DIAPH2: variants seen among roughly 807,000 people sequenced by gnomAD.
The protein encoded by DIAPH2 is protein diaphanous homolog 2.
In DIAPH2, 35 loss-of-function variants were observed where a neutral mutation model predicts 92.7. The ratio of observed to expected loss-of-function variants is 0.38; its 90% CI spans 0.29 to 0.50. DIAPH2 has a LOEUF of 0.50. Ranked by LOEUF, DIAPH2 falls within the 20% of genes least tolerant of loss-of-function variation. DIAPH2 has a pLI of 0.94. For synonymous variants in DIAPH2, 301 were observed against 280.4 expected (o/e 1.07, Z -0.73); for missense variants, 701 against 819.5 (o/e 0.86, Z 1.77).
At chrX:96,715,242 T>G (rs1256453877) in intron 1 of DIAPH2, among the ~76,000 whole-genome samples, 1 of 111,568 alleles carries the variant, frequency 9.0e-6, no homozygotes, top group Non-Finnish European at 1.9e-5. Context: ...TGCATGCAGC[T>G]TATTTCTGAT....
chrX:96,705,423 G>C (rs976506698), intron 1 of DIAPH2, among the ~76,000 whole-genome samples: 2 of 112,071 alleles, frequency 1.8e-5, no homozygotes, highest in Non-Finnish European at 3.8e-5. Context: ...ATATCAGCAG[G>C]AAATTTGAAT....
intron 26 of DIAPH2, among the ~76,000 whole-genome samples, chrX:97,571,406 G>A (rs963436671): frequency 3.6e-5 from 4 of 111,547 alleles, no homozygotes; most frequent in African/African-American, 9.8e-5. Context: ...GGGAATATAG[G>A]GAGGATTGTC....
chrX:97,379,995 AT>A (rs938588370), intron 24 of DIAPH2, among the ~76,000 whole-genome samples: 1 of 109,711 alleles, frequency 9.1e-6, no homozygotes, highest in Non-Finnish European at 1.9e-5. Flanking sequence ...AGCATATGAC[AT>A]TTTTAGTCTG....
chrX:97,094,897 G>C (rs2066854031), intron 19 of DIAPH2, among the ~76,000 whole-genome samples: 1 of 110,232 alleles, frequency 9.1e-6, no homozygotes, highest in African/African-American at 3.3e-5. Context: ...GCATGAAACT[G>C]TCATTTCATT....
Position 96,945,595 on chromosome X carries a change from A to T in DIAPH2, c.1509+4A>T. ...AGCTGCAGAGTTTTCAAAGAAGGTA[A>T]GCTTATAAAATATTAGCCATAATCG... On this transcript the variant is annotated splice_donor_region_variant and intron_variant, in intron 14 of 26. Transcript: ENST00000324765. 8.8e-7 allele frequency: 1 copy of T among 1,133,708 alleles called. No individual in the cohort carries two copies. The highest frequency in any genetic ancestry group is 3.2e-5 in the Admixed American group (1 of 31,248). 93.4% of individuals were successfully genotyped at this position (1,133,708 alleles called of 1,213,427 possible). A position where few individuals can be genotyped will look rare whatever the true frequency, so the allele number is the denominator to read the frequency against.
At chrX:97,519,364 T>C (rs190350194) in intron 26 of DIAPH2, among the ~76,000 whole-genome samples, 2 of 112,272 alleles carry the variant, frequency 1.8e-5, no homozygotes, top group Non-Finnish European at 1.9e-5. Flanking sequence ...AAATTCACAT[T>C]TATGGGTTAT....
At chrX:97,056,954 C>T (rs975447635) in intron 17 of DIAPH2, among the ~76,000 whole-genome samples, 4 of 111,294 alleles carry the variant, frequency 3.6e-5, no homozygotes, top group African/African-American at 1.3e-4. Flanking sequence ...GGGTCTGAGC[C>T]GAAGCTTTTG....
chrX:97,264,327 G>C (rs1417171329), intron 23 of DIAPH2, among the ~76,000 whole-genome samples: 2 of 111,275 alleles, frequency 1.8e-5, no homozygotes, highest in Non-Finnish European at 3.8e-5. Context: ...ACAGATGATT[G>C]TTTGGCCCCT....
Position 96,900,441 on chromosome X carries a change from T to C in DIAPH2, c.588-11887T>C, listed in dbSNP as rs1432760237. Among the ~76,000 whole-genome samples, 3 of 111,616 alleles carry C rather than the reference T, an allele frequency of 2.7e-5. No individual in the cohort carries two copies. In the East Asian group the frequency reaches 8.5e-4, roughly 32 times the overall value. On this transcript the variant is annotated intron_variant, in intron 5 of 26. Coordinates refer to ENST00000324765, the MANE Select transcript of DIAPH2 (RefSeq NM_006729.5). ...ACAGTAACAGTTTGATTTCCTCTTT[T>C]CCAATTTGGATGCTCTTTATTTCTT...
intron 26 of DIAPH2, among the ~76,000 whole-genome samples, chrX:97,588,517 C>T (rs778534557): frequency 9.1e-6 from 1 of 109,874 alleles, no homozygotes. Flanking sequence ...GTAAAACTCT[C>T]TCCAGGTGAT....
intron 24 of DIAPH2, among the ~76,000 whole-genome samples, chrX:97,353,326 A>G (rs1264354184): frequency 3.6e-5 from 4 of 111,035 alleles, no homozygotes; most frequent in Non-Finnish European, 5.7e-5. Flanking sequence ...TTTCACCACC[A>G]TGCAGTATCT....
At chrX:97,337,740 GA>G (rs2069077302) in intron 23 of DIAPH2, among the ~76,000 whole-genome samples, 1 of 111,102 alleles carries the variant, frequency 9.0e-6, no homozygotes, top group Non-Finnish European at 1.9e-5. Context: ...GGTTTGCAGG[GA>G]GGCTGTCCTA....
At chrX:97,364,576 G>A (rs1478474131) in intron 24 of DIAPH2, among the ~76,000 whole-genome samples, 3 of 111,585 alleles carry the variant, frequency 2.7e-5, no homozygotes, top group Admixed American at 9.5e-5. Context: ...ACTCAGCCAC[G>A]GAGACAAAAG....
intron 15 of DIAPH2, among the ~76,000 whole-genome samples, chrX:96,951,527 T>A (rs1225852548): frequency 9.1e-6 from 1 of 110,270 alleles, no homozygotes; most frequent in Non-Finnish European, 1.9e-5. Context: ...CTGTAAAAAG[T>A]GCAGAATCAC....
At chrX:97,380,278 A>G (rs915743440) in intron 24 of DIAPH2, among the ~76,000 whole-genome samples, 4 of 111,558 alleles carry the variant, frequency 3.6e-5, no homozygotes, top group African/African-American at 6.5e-5. Flanking sequence ...CACTTTTTCA[A>G]TTAGCATCCT....
chrX:97,531,409 G>T (rs999530030), intron 26 of DIAPH2, among the ~76,000 whole-genome samples: 1 of 111,930 alleles, frequency 8.9e-6, no homozygotes, highest in African/African-American at 3.2e-5. Flanking sequence ...GACCTCGTTA[G>T]ACTCAAAGCA....
At chrX:97,211,733 T>C (rs1457548639) in intron 22 of DIAPH2, among the ~76,000 whole-genome samples, 1 of 111,630 alleles carries the variant, frequency 9.0e-6, no homozygotes, top group Non-Finnish European at 1.9e-5. Context: ...TGATCTTTCC[T>C]GAGTCTTTAT....
At position 97,202,455 on chromosome X, in the gene DIAPH2, G is replaced by A. The variant is rs187109734; in HGVS notation, c.2720-45260G>A. Reference sequence around the variant, plus strand: ...AAGACACACATAGGCTCAAAATAAAGGGATGGAGGAGTATTTACCAAGTAA... The same window carrying A: ...AAGACACACATAGGCTCAAAATAAAAGGATGGAGGAGTATTTACCAAGTAA... On this transcript the variant is annotated intron_variant, in intron 22 of 26. Coordinates refer to ENST00000324765, the MANE Select transcript of DIAPH2 (RefSeq NM_006729.5). Among the ~76,000 whole-genome samples the A allele has an allele frequency of 2.1e-3, 237 of 111,388 alleles. 1 individual carries two copies. The highest frequency in any genetic ancestry group is 1.8e-3 in the Non-Finnish European group (93 of 53,052).
chrX:96,797,119 T>G (rs1254650983), intron 4 of DIAPH2, among the ~76,000 whole-genome samples: 1 of 111,904 alleles, frequency 8.9e-6, no homozygotes, highest in Non-Finnish European at 1.9e-5. Context: ...TTTTTTTGGT[T>G]TGTTTTCTTT....
Sources: gnomAD v4.1 joint callset for allele counts (sites outside exome capture counted in the v4.1 genomes callset) on GRCh38, gnomAD v4.1.1 for gene constraint, MANE v1.5 for transcripts, NCBI Gene and HGNC (gene_info 2026-07-23, HGNC 2026-07-21) for gene names.